Variants in DEPDC4 observed in about 807,000 individuals in gnomAD.
The protein encoded by DEPDC4 is DEP domain-containing protein 4.
In DEPDC4, 52 loss-of-function variants were observed where a neutral mutation model predicts 52.0. The observed-to-expected ratio is 1.00, with a 90% CI of 0.80 to 1.26. DEPDC4 has a LOEUF of 1.26. Ranked by LOEUF, DEPDC4 falls within the 50% of genes most tolerant of loss-of-function variation. The pLI is 0.00. For missense variants in DEPDC4, 530 were observed against 546.9 expected, an observed-to-expected ratio of 0.97 and a Z score of 0.31; for synonymous variants, 201 against 196.8, an observed-to-expected ratio of 1.02 and a Z score of -0.18.
chr12:100,280,490 A>G, the DEPDC4 span, among the ~76,000 whole-genome samples: 1 of 152,282 alleles, frequency 6.6e-6, no homozygotes, highest in South Asian at 2.1e-4. Flanking sequence ...TCTTCATGTA[A>G]CCCTAGAGAT....
the DEPDC4 span, among the ~76,000 whole-genome samples, chr12:100,275,057 T>C: frequency 6.6e-6 from 1 of 152,188 alleles, no homozygotes; most frequent in South Asian, 2.1e-4. Flanking sequence ...ATTTAGGTTT[T>C]CTTCAGTTTC....
the DEPDC4 span, among the ~76,000 whole-genome samples, chr12:100,279,408 G>T: frequency 6.6e-6 from 1 of 152,216 alleles, no homozygotes; most frequent in Admixed American, 6.5e-5. Context: ...CCGTGGACTG[G>T]TACTGATCTG....
chr12:100,253,543 A>G lies in DEPDC4; in HGVS notation c.1051T>C (p.Cys351Arg). The change falls in exon 5 of 10, where the codon TGC becomes CGC. Residue 351 changes from cysteine to arginine, a missense_variant. Physicochemically the swap from Cys to Arg is radical, Grantham distance 180. Transcript: ENST00000550587. The part of the protein sequence containing the change: ...IAKYYAQERD[C>R]LLTDEYFDIH... ...TCAAAATACTCATCAGTTAATAGGC[A>G]ATCTCTCTCTTGAGCATAGTATTTT... The G allele has an allele frequency of 1.6e-6, 2 of 1,288,388 alleles. No individual in the cohort carries two copies. Among genetic ancestry groups the G allele is most frequent in the Non-Finnish European group, 2.0e-6 (2 of 988,198 alleles). 79.8% of individuals were successfully genotyped at this position (1,288,388 alleles called of 1,614,324 possible).
upstream of DEPDC4, among the ~76,000 whole-genome samples, chr12:100,269,124 G>A (rs1467481132): frequency 1.3e-5 from 2 of 152,114 alleles, no homozygotes; most frequent in East Asian, 3.9e-4. Context: ...AAATCTTTCA[G>A]TGGCTTCTCA....
At chr12:100,242,923 A>T (rs2096166097) in intron 8 of DEPDC4, among the ~76,000 whole-genome samples, 1 of 152,172 alleles carries the variant, frequency 6.6e-6, no homozygotes, top group African/African-American at 2.4e-5. Context: ...CCACTCCAAC[A>T]TTCAAGGAAA....
intron 3 of DEPDC4, among the ~76,000 whole-genome samples, chr12:100,259,130 T>C (rs776891033): frequency 1.1e-4 from 16 of 150,780 alleles, no homozygotes; most frequent in Non-Finnish European, 1.9e-4. Context: ...TACTAGAAAA[T>C]GTGTGCCACT....
upstream of DEPDC4, among the ~76,000 whole-genome samples, chr12:100,268,104 T>G (rs1221496307): frequency 1.3e-5 from 2 of 152,142 alleles, no homozygotes; most frequent in Admixed American, 1.3e-4. Flanking sequence ...AAATCCACCC[T>G]CTAAGGCACT....
chr12:100,271,118 A>G (rs2096287150), upstream of DEPDC4, among the ~76,000 whole-genome samples: 1 of 152,136 alleles, frequency 6.6e-6, no homozygotes, highest in Non-Finnish European at 1.5e-5. Context: ...AACAAAGAAG[A>G]GCATTATCCA....
upstream of DEPDC4, among the ~76,000 whole-genome samples, chr12:100,271,260 C>CAAA (rs11354103): frequency 8.1e-3 from 674 of 83,174 alleles, 15 homozygotes; most frequent in African/African-American, 0.03. Flanking sequence ...TGCAGAGCAG[C>CAAA]AAAAAAAAAA....
At chr12:100,242,214 T>C (rs1459500849) in intron 9 of DEPDC4, among the ~76,000 whole-genome samples, 1 of 152,118 alleles carries the variant, frequency 6.6e-6, no homozygotes, top group Non-Finnish European at 1.5e-5. Context: ...TGTCTTAGCA[T>C]GTACAGTCAA....
intron 1 of DEPDC4, among the ~76,000 whole-genome samples, chr12:100,265,414 C>T (rs762236287): frequency 6.6e-6 from 1 of 151,978 alleles, no homozygotes; most frequent in Non-Finnish European, 1.5e-5. Flanking sequence ...ATAGTGAAAC[C>T]CCATCTCTAC....
rs2096210905 is a variant in DEPDC4, at chr12:100,252,225, G to GC, written c.1324dup (p.Ala442GlyfsTer14). The GC allele has an allele frequency of 3.3e-5, 44 of 1,316,424 alleles. No individual in the cohort carries two copies. In the South Asian group the frequency reaches 6.3e-4, roughly 19 times the overall value. 81.5% of individuals were successfully genotyped at this position (1,316,424 alleles called of 1,614,324 possible). A position where few individuals can be genotyped will look rare whatever the true frequency, so the allele number is the denominator to read the frequency against. The stretch of plus-strand genomic sequence containing the variant: ...CAGTGGAAACCAGACCAGTTGTTCT[G>GC]CCCGCACTTTTAATAATGATTTGGC... On this transcript the variant is annotated frameshift_variant, in exon 7 of 10. Transcript: ENST00000550587. LOFTEE classifies it high-confidence loss of function.
At chr12:100,238,374 G>C (rs920612154), downstream of DEPDC4, among the ~76,000 whole-genome samples, 3 of 151,926 alleles carry the variant, frequency 2.0e-5, no homozygotes, top group African/African-American at 7.3e-5. Flanking sequence ...TGGCCAGGCT[G>C]GTCTCGAACT....
chr12:100,249,261 T>C (rs35323095), intron 7 of DEPDC4, among the ~76,000 whole-genome samples: 1 of 152,218 alleles, frequency 6.6e-6, no homozygotes, highest in Non-Finnish European at 1.5e-5. Context: ...AAATTATTTG[T>C]AATTTACAGC....
At chr12:100,249,101 G>GTATGTAATAAATATATGTAAAATGT in intron 7 of DEPDC4, 123 bp from the exon 8 acceptor site, 1 of 213,730 alleles carries the variant, frequency 4.7e-6, no homozygotes, top group Non-Finnish European at 8.1e-6. Context: ...TTGTAGATGA[G>GTATGTAATAAATATATGTAAAATGT]TGGAAAGGGT....
chr12:100,279,690 G>A, the DEPDC4 span, among the ~76,000 whole-genome samples: 1 of 152,170 alleles, frequency 6.6e-6, no homozygotes, highest in Non-Finnish European at 1.5e-5. Context: ...CACTATTAAG[G>A]CATGGTTCTT....
intron 3 of DEPDC4, among the ~76,000 whole-genome samples, chr12:100,259,083 T>A (rs12813508): frequency 0.11 from 16,204 of 144,618 alleles, 1,190 homozygotes; most frequent in Admixed American, 0.16. Context: ...AAAAAAAAAA[T>A]ATATATATAT....
rs188598613 is a variant in DEPDC4, at chr12:100,253,797, A to G, written c.879-82T>C. Reference sequence around the variant, plus strand: ...AGCACTATTTGATAAAACATGAAAAAATCTGGCTTATTTAAGCTAGATAAA... The same window carrying G: ...AGCACTATTTGATAAAACATGAAAAGATCTGGCTTATTTAAGCTAGATAAA... On this transcript the variant is annotated intron_variant, in intron 4 of 9. Transcript: ENST00000550587. 118 of 770,224 alleles carry G rather than the reference A, an allele frequency of 1.5e-4. No individual in the cohort carries two copies. In the East Asian group the frequency reaches 4.8e-3, roughly 31 times the overall value. 47.7% of individuals were successfully genotyped at this position (770,224 alleles called of 1,614,324 possible).
At chr12:100,276,843 AC>A in the DEPDC4 span, among the ~76,000 whole-genome samples, 1 of 152,054 alleles carries the variant, frequency 6.6e-6, no homozygotes, top group South Asian at 2.1e-4. Context: ...GGAAGCTTAG[AC>A]CATTATTTTG....
Sources: allele counts gnomAD v4.1 joint callset (sites outside exome capture counted in the v4.1 genomes callset), GRCh38; gene constraint gnomAD v4.1.1; transcripts MANE v1.5; gene names NCBI Gene and HGNC (gene_info 2026-07-23, HGNC 2026-07-21).